The following UBL3 variants were observed in gnomAD, a reference collection of about 807,000 sequenced individuals.
UBL3 encodes ubiquitin-like protein 3.
Under a neutral mutation model 18.4 loss-of-function variants are expected in UBL3, and 6 were observed. The observed-to-expected ratio is 0.33, with a 90% confidence interval of 0.18 to 0.64. The LOEUF is 0.64. UBL3 is among the 30% of genes least tolerant of loss of function. UBL3 has a pLI of 0.76. For synonymous variants in UBL3, 49 were observed against 46.6 expected, an observed-to-expected ratio of 1.05 and a Z score of -0.21; for missense variants, 109 against 142.9, an observed-to-expected ratio of 0.76 and a Z score of 1.21.
At chr13:29,799,176 A>G (rs915406429) in intron 1 of UBL3, among the ~76,000 whole-genome samples, 2 of 152,174 alleles carry the variant, frequency 1.3e-5, no homozygotes, top group African/African-American at 4.8e-5. Flanking sequence ...TATCCACTAG[A>G]TATCAGTGGC....
chr13:29,821,438 T>C (rs1878441014), intron 1 of UBL3, among the ~76,000 whole-genome samples: 1 of 152,218 alleles, frequency 6.6e-6, no homozygotes, highest in Non-Finnish European at 1.5e-5. Context: ...CTTGGGTAAC[T>C]AGTCAAATTG....
chr13:29,805,175 T>C (rs932644067), intron 1 of UBL3, among the ~76,000 whole-genome samples: 1 of 152,234 alleles, frequency 6.6e-6, no homozygotes, highest in Non-Finnish European at 1.5e-5. Flanking sequence ...TTAAAATATT[T>C]GAAATACTAA....
At chr13:29,767,538 G>T in intron 4 of UBL3, 80 bp downstream of exon 4, 1 of 1,469,240 alleles carries the variant, frequency 6.8e-7, no homozygotes, top group Non-Finnish European at 9.4e-7. Context: ...CCTTCCCTCA[G>T]CATATCCAAG....
intron 1 of UBL3, among the ~76,000 whole-genome samples, chr13:29,829,146 T>C (rs544516674): frequency 6.6e-6 from 1 of 152,266 alleles, no homozygotes; most frequent in East Asian, 1.9e-4. Flanking sequence ...AGGGACCCAC[T>C]TGAGGAGGCA....
intron 1 of UBL3, among the ~76,000 whole-genome samples, chr13:29,813,447 A>G (rs1010617273): frequency 9.2e-5 from 14 of 152,102 alleles, no homozygotes; most frequent in African/African-American, 3.1e-4. Flanking sequence ...GCAAAGGCAT[A>G]TTTATTTAAG....
rs921612923 is a variant in UBL3 at position 29,835,800 on chromosome 13, A to G, written c.27+13712T>C. Among the ~76,000 whole-genome samples, 6 of 151,228 alleles carry G rather than the reference A, an allele frequency of 4.0e-5. No individual in the cohort carries two copies. In the East Asian group the frequency reaches 1.2e-3, roughly 29 times the overall value. Reference sequence around the variant, plus strand: ...AAAAAAAGTATATTGATGAATATCCAAGGCAAAGACTCAGCCTTGCTGTGG... The same window carrying G: ...AAAAAAAGTATATTGATGAATATCCGAGGCAAAGACTCAGCCTTGCTGTGG... On this transcript the variant is annotated intron_variant, in intron 1 of 4. Coordinates refer to ENST00000380680, the MANE Select transcript of UBL3 (RefSeq NM_007106.4).
At chr13:29,829,286 G>T (rs1182627676) in intron 1 of UBL3, among the ~76,000 whole-genome samples, 2 of 152,216 alleles carry the variant, frequency 1.3e-5, no homozygotes, top group Admixed American at 6.5e-5. Flanking sequence ...TGCCCCCAGA[G>T]GTAGAGTCTA....
At chr13:29,774,407 A>C (rs903398980) in intron 2 of UBL3, among the ~76,000 whole-genome samples, 8 of 151,806 alleles carry the variant, frequency 5.3e-5, no homozygotes, top group East Asian at 1.9e-4. Context: ...CGCTCCCCCC[A>C]AAAAAAATCT....
chr13:29,834,556 T>C (rs1459419220), intron 1 of UBL3, among the ~76,000 whole-genome samples: 2 of 152,274 alleles, frequency 1.3e-5, no homozygotes, highest in Non-Finnish European at 1.5e-5. Context: ...AAAACTTCCA[T>C]TCAAATTTCA....
intron 1 of UBL3, among the ~76,000 whole-genome samples, chr13:29,814,609 C>T (rs187596260): frequency 1.3e-5 from 2 of 152,136 alleles, no homozygotes; most frequent in East Asian, 3.9e-4. Context: ...GATGTAAGGG[C>T]CTATTATAAA....
chr13:29,785,610 G>A (rs183072958), intron 1 of UBL3, among the ~76,000 whole-genome samples: 240 of 152,240 alleles, frequency 1.6e-3, no homozygotes, highest in African/African-American at 5.5e-3. Flanking sequence ...GAATGAGGAA[G>A]CGATATATTC....
intron 1 of UBL3, chr13:29,779,199 G>A (rs769948131): frequency 2.0e-6 from 1 of 498,600 alleles, no homozygotes; most frequent in East Asian, 5.8e-5. Flanking sequence ...CTTCAAGCAA[G>A]GAACCTAACA....
At chr13:29,774,707 C>T (rs1876934748) in intron 2 of UBL3, among the ~76,000 whole-genome samples, 1 of 151,352 alleles carries the variant, frequency 6.6e-6, no homozygotes, top group African/African-American at 2.4e-5. Context: ...CCTATGAATC[C>T]ACCAAGACAT....
intron 3 of UBL3, among the ~76,000 whole-genome samples, chr13:29,770,979 T>C (rs1225114821): frequency 6.6e-6 from 1 of 152,082 alleles, no homozygotes; most frequent in African/African-American, 2.4e-5. Flanking sequence ...TGTCATAAAA[T>C]CATTTGCATT....
intron 1 of UBL3, among the ~76,000 whole-genome samples, chr13:29,783,109 G>T (rs80001450): frequency 6.6e-6 from 1 of 152,234 alleles, no homozygotes; most frequent in Non-Finnish European, 1.5e-5. Context: ...ATGTAGAACA[G>T]GAATGGATAA....
chr13:29,765,303 CCA>C lies in UBL3; in HGVS notation c.*1950_*1951del, dbSNP rs913027759. On this transcript the variant is annotated 3_prime_UTR_variant, in exon 5 of 5. Coordinates refer to ENST00000380680, the MANE Select transcript of UBL3 (RefSeq NM_007106.4). Reference sequence around the variant, plus strand: ...GTTTAATTGCCCAATTAAGCAACTACCAGATTCTTTAGTCAACACTAACAGAA... The same window carrying C: ...GTTTAATTGCCCAATTAAGCAACTACGATTCTTTAGTCAACACTAACAGAA... The C allele has an allele frequency of 3.3e-5, 5 of 152,066 alleles. No individual in the cohort carries two copies. The highest frequency in any genetic ancestry group is 4.8e-5 in the African/African-American group (2 of 41,410). 9.4% of individuals were successfully genotyped at this position (152,066 alleles called of 1,614,324 possible). A position where few individuals can be genotyped will look rare whatever the true frequency, so the allele number is the denominator to read the frequency against.
rs1740072852 is a variant in UBL3, at chr13:29,850,444, C to G, written c.-906G>C. The G allele has an allele frequency of 6.5e-6, 1 of 152,832 alleles. No individual in the cohort carries two copies. Among genetic ancestry groups the G allele is most frequent in the Non-Finnish European group, 1.5e-5 (1 of 68,122 alleles). The allele number at this position is 152,832 out of a possible 1,614,324, so 9.5% of individuals were successfully genotyped here. ...GGGCGACGCCGACTTCGGCTGGTCC[C>G]CGGAAGAGGCCGGGTCCTCCTTCTC... is the stretch of plus-strand genomic sequence containing the variant. On this transcript the variant is annotated 5_prime_UTR_variant, in exon 1 of 5. Transcript: ENST00000380680.
At chr13:29,809,968 T>C (rs1877999321) in intron 1 of UBL3, among the ~76,000 whole-genome samples, 1 of 152,154 alleles carries the variant, frequency 6.6e-6, no homozygotes, top group African/African-American at 2.4e-5. Context: ...AAGTTTTGCT[T>C]TTTGAAACTT....
At chr13:29,815,362 G>T (rs1003444868) in intron 1 of UBL3, among the ~76,000 whole-genome samples, 1 of 151,998 alleles carries the variant, frequency 6.6e-6, no homozygotes, top group Admixed American at 6.6e-5. Context: ...CTCTAGTCTG[G>T]ATACCAAAAA....
Sources: allele counts gnomAD v4.1 joint callset (sites outside exome capture counted in the v4.1 genomes callset), GRCh38; gene constraint gnomAD v4.1.1; transcripts MANE v1.5; gene names NCBI Gene and HGNC (gene_info 2026-07-23, HGNC 2026-07-21).